STK32C: variants seen among roughly 807,000 people sequenced by gnomAD.
STK32C encodes serine/threonine kinase 32C, also known as serine/threonine-protein kinase 32C.
STK32C carries 31 observed loss-of-function variants against 56.5 expected under a neutral mutation model. That is an observed-to-expected ratio of 0.55 (90% CI 0.41 to 0.74). STK32C has a LOEUF of 0.74. Ranked by LOEUF, STK32C falls within the 30% of genes least tolerant of loss-of-function variation. The probability of loss-of-function intolerance (pLI) is 0.00; values close to 1 mark genes in which losing one functional copy is unlikely to be tolerated. For synonymous variants in STK32C, 309 were observed against 289.4 expected (o/e 1.07, Z -0.69); for missense variants, 544 against 676.9 (o/e 0.80, Z 2.18).
upstream of STK32C, chr10:132,308,111 G>C (rs1025075337): frequency 9.1e-6 from 1 of 109,710 alleles, no homozygotes; most frequent in Non-Finnish European, 1.9e-5. Context: ...TAGGGGCGGG[G>C]CCGAGCCGGG....
intron 2 of STK32C, among the ~76,000 whole-genome samples, chr10:132,245,157 T>C (rs955000729): frequency 1.3e-5 from 2 of 152,194 alleles, no homozygotes; most frequent in African/African-American, 4.8e-5. Context: ...AAAGGGCTTA[T>C]GGGGCTTAAA....
chr10:132,255,667 T>C lies in STK32C; in HGVS notation c.263-9712A>G, dbSNP rs564027846. Among the ~76,000 whole-genome samples, 1 of 152,262 alleles carries C rather than the reference T, an allele frequency of 6.6e-6. No individual in the cohort carries two copies. The highest frequency in any genetic ancestry group is 1.9e-4 in the East Asian group (1 of 5,168). ...CAACCCTTGCTGAGCCCCACGCGGT[T>C]TCCTGCACCACTGAGGATGTGTTGA... On this transcript the variant is annotated intron_variant, in intron 1 of 11. Transcript: ENST00000298630. This position sits in a 1 kb window ranked among gnomAD's most constrained non-coding sequence, Gnocchi z 4.6.
chr10:132,238,431 T>G (rs2063373795), intron 2 of STK32C, among the ~76,000 whole-genome samples: 1 of 151,754 alleles, frequency 6.6e-6, no homozygotes. Flanking sequence ...GCAGACGACG[T>G]GAAGGGGAAA....
At chr10:132,251,337 T>C (rs1332160183) in intron 1 of STK32C, among the ~76,000 whole-genome samples, 2 of 152,160 alleles carry the variant, frequency 1.3e-5, no homozygotes, top group African/African-American at 4.8e-5. Context: ...GGTGGTGCCA[T>C]GGGCAGCCCT....
At chr10:132,317,181 T>G (rs568826731) in intron 1 of STK32C, among the ~76,000 whole-genome samples, 3 of 152,274 alleles carry the variant, frequency 2.0e-5, no homozygotes, top group African/African-American at 7.2e-5. Flanking sequence ...CTGAAAGTAC[T>G]GAGACAATTG....
At chr10:132,213,332 CCCA>C (rs1347970607) in intron 10 of STK32C, among the ~76,000 whole-genome samples, 1 of 152,218 alleles carries the variant, frequency 6.6e-6, no homozygotes, top group Non-Finnish European at 1.5e-5. Context: ...CAGTTCCCTC[CCCA>C]CCATCTTCCC....
chr10:132,230,690 G>GGGC (rs1554977865), intron 2 of STK32C, among the ~76,000 whole-genome samples: 1 of 144,114 alleles, frequency 6.9e-6, no homozygotes, highest in Non-Finnish European at 1.5e-5. Context: ...GGGGGGGGGG[G>GGGC]GGCTGCAGAG....
intron 2 of STK32C, 27 bp from the exon 3 acceptor site, chr10:132,228,155 G>A (rs369152370): frequency 1.9e-5 from 30 of 1,612,910 alleles, no homozygotes; most frequent in Non-Finnish European, 2.4e-5. Context: ...TGTTCGGCAG[G>A]ACGCCTGAGG....
chr10:132,224,321 A>T (rs2062795672), intron 8 of STK32C, 86 bp downstream of exon 8: 1 of 969,400 alleles, frequency 1.0e-6, no homozygotes, highest in Non-Finnish European at 1.6e-6. Context: ...CTAACTGTGC[A>T]CTGGAGGGGG....
chr10:132,271,197 T>C (rs1391766213), intron 1 of STK32C, among the ~76,000 whole-genome samples: 1 of 152,138 alleles, frequency 6.6e-6, no homozygotes, highest in African/African-American at 2.4e-5. Context: ...CTGGGGACTG[T>C]GGCATCCAGA....
At chr10:132,277,266 G>A (rs12773522) in intron 1 of STK32C, among the ~76,000 whole-genome samples, 3 of 152,154 alleles carry the variant, frequency 2.0e-5, no homozygotes, top group Admixed American at 6.5e-5. Flanking sequence ...AGCCGCTGGA[G>A]AGAGAGCCAG....
intron 1 of STK32C, among the ~76,000 whole-genome samples, chr10:132,277,048 T>C (rs1479985100): frequency 2.0e-5 from 3 of 152,236 alleles, no homozygotes; most frequent in African/African-American, 4.8e-5. Flanking sequence ...ACCAACTGAA[T>C]TGAAGTAAGG....
In STK32C at chr10:132,329,382, C is replaced by T. The variant is rs779577394; in HGVS notation, c.301+2054G>A. Among the ~76,000 whole-genome samples, 11 of 152,290 alleles carry T rather than the reference C, an allele frequency of 7.2e-5. No individual in the cohort carries two copies. In the East Asian group the frequency reaches 2.1e-3, roughly 29 times the overall value. On this transcript the variant is annotated intron_variant, in intron 1 of 1. Transcript: ENST00000368619. Reference sequence around the variant, plus strand: ...TGAGCCGAGATCACACCGCTGAACTCCAGCCTGGGTGACAGACTGAGACCC... The same window carrying T: ...TGAGCCGAGATCACACCGCTGAACTTCAGCCTGGGTGACAGACTGAGACCC...
At chr10:132,320,132 A>AT (rs2066376224), downstream of STK32C, among the ~76,000 whole-genome samples, 5 of 152,120 alleles carry the variant, frequency 3.3e-5, 1 homozygote, top group South Asian at 1.0e-3. Flanking sequence ...GAATGATAAA[A>AT]TTCTAAAACA....
chr10:132,239,623 C>G (rs1466675), intron 2 of STK32C, among the ~76,000 whole-genome samples: 96,784 of 152,126 alleles, frequency 0.64, 32,547 homozygotes, highest in Admixed American at 0.75. Flanking sequence ...AAAGTGGGGG[C>G]CATCTGGGAG....
intron 1 of STK32C, among the ~76,000 whole-genome samples, chr10:132,294,270 G>A (rs976644908): frequency 5.9e-5 from 9 of 152,144 alleles, no homozygotes; most frequent in Non-Finnish European, 1.0e-4. Flanking sequence ...GCACGGGGAA[G>A]GGGGTTGGGG....
chr10:132,229,237 C>G (rs1261866562), intron 2 of STK32C, among the ~76,000 whole-genome samples: 1 of 152,224 alleles, frequency 6.6e-6, no homozygotes, highest in African/African-American at 2.4e-5. Flanking sequence ...CCTTCCACAA[C>G]CTCTGCTCTC....
chr10:132,284,898 G>A (rs370354953), intron 1 of STK32C, among the ~76,000 whole-genome samples: 15 of 100,946 alleles, frequency 1.5e-4, no homozygotes, highest in African/African-American at 4.0e-4. Flanking sequence ...ACATTCCCAC[G>A]TCTGTCCAAA....
intron 6 of STK32C, 25 bp from the exon 7 acceptor site, chr10:132,225,361 C>T: frequency 1.3e-6 from 2 of 1,598,378 alleles, no homozygotes; most frequent in Non-Finnish European, 1.7e-6. Flanking sequence ...GAAGGAAAAA[C>T]AGCTGCCACG....
Sources: gnomAD v4.1 joint callset for allele counts (sites outside exome capture counted in the v4.1 genomes callset) on GRCh38, gnomAD v4.1.1 for gene constraint, Gnocchi (gnomAD v3.1) non-coding constraint, MANE v1.5 for transcripts, NCBI Gene and HGNC (gene_info 2026-07-23, HGNC 2026-07-21) for gene names.